CLCN1: variants seen among roughly 807,000 people sequenced by gnomAD.
CLCN1 encodes the protein chloride channel protein 1.
Under a neutral mutation model 114.5 loss-of-function variants are expected in CLCN1, and 100 were observed. The ratio of observed to expected loss-of-function variants is 0.87; its 90% CI spans 0.74 to 1.03. The LOEUF is 1.03. CLCN1 is among the 50% of genes least tolerant of loss of function. The probability of loss-of-function intolerance (pLI) is 0.00; values close to 1 mark genes in which losing one functional copy is unlikely to be tolerated. For synonymous variants in CLCN1, 485 were observed against 487.1 expected (o/e 1.00, Z 0.06); for missense variants, 1,188 against 1,250.0 (o/e 0.95, Z 0.75).
chr7:143,340,312 G>A (rs185157562), intron 14 of CLCN1, among the ~76,000 whole-genome samples: 6 of 152,186 alleles, frequency 3.9e-5, no homozygotes, highest in Admixed American at 3.3e-4. Flanking sequence ...CATCAATGAG[G>A]GTCATAGACT....
chr7:143,330,751 C>T, intron 7 of CLCN1, 21 bp from the exon 8 acceptor site: 1 of 1,613,826 alleles, frequency 6.2e-7, no homozygotes, highest in Non-Finnish European at 8.5e-7. Context: ...TGCCCCCAAC[C>T]ACACTTCTGT....
rs1802532331 is a variant in CLCN1 at position 143,324,619 on chromosome 7, C to T, written c.853+127C>T. ...CGAGAATAGCTGACTTTTAGTAAGC[C>T]TTTGCTATGTGCCAGGCAATGTTTA... On this transcript the variant is annotated intron_variant, in intron 7 of 22. Coordinates refer to ENST00000343257, the MANE Select transcript of CLCN1 (RefSeq NM_000083.3). The surrounding 1 kb of genome is among the most constrained non-coding windows in gnomAD (Gnocchi z 4.6). 1.3e-6 allele frequency: 1 copy of T among 754,854 alleles called. No individual in the cohort carries two copies. The highest frequency in any genetic ancestry group is 2.6e-5 in the East Asian group (1 of 38,152). 46.8% of individuals were successfully genotyped at this position (754,854 alleles called of 1,614,324 possible).
At chr7:143,332,995 G>A in intron 12 of CLCN1, 122 bp downstream of exon 12, 2 of 1,163,780 alleles carry the variant, frequency 1.7e-6, no homozygotes, top group Non-Finnish European at 2.6e-6. Context: ...CTAAAAATAA[G>A]TCATTTGAAA....
intron 16 of CLCN1, among the ~76,000 whole-genome samples, chr7:143,343,432 A>C (rs1343963389): frequency 6.6e-6 from 1 of 152,246 alleles, no homozygotes; most frequent in Non-Finnish European, 1.5e-5. Context: ...GCTTTGTTCA[A>C]CTTCAGCTGG....
intron 14 of CLCN1, among the ~76,000 whole-genome samples, chr7:143,340,343 C>G (rs1442333613): frequency 6.6e-6 from 1 of 152,170 alleles, no homozygotes; most frequent in Non-Finnish European, 1.5e-5. Flanking sequence ...ATCTTCATGA[C>G]TCCCTGGTAC....
intron 14 of CLCN1, among the ~76,000 whole-genome samples, chr7:143,340,248 T>C (rs1340097683): frequency 6.6e-6 from 1 of 152,224 alleles, no homozygotes; most frequent in Non-Finnish European, 1.5e-5. Context: ...ACCAGCTTTC[T>C]AGCTCACTTG....
intron 5 of CLCN1, 93 bp from the exon 6 acceptor site, chr7:143,323,216 A>T: frequency 1.3e-6 from 1 of 785,938 alleles, no homozygotes; most frequent in Non-Finnish European, 2.3e-6. Context: ...CCCCTGGCAC[A>T]GTGCCTGGAG....
At position 143,316,137 on chromosome 7, in the gene CLCN1, A is replaced by T; in HGVS notation, c.-76A>T. On this transcript the variant is annotated 5_prime_UTR_variant, in exon 1 of 23. Transcript: ENST00000343257. ...GACGCCTTGGGGACAGCAAGAGCAGAGGCTTAAGGAGCTACACTGGGGGAA... is the reference window on the plus strand; with the variant it reads ...GACGCCTTGGGGACAGCAAGAGCAGTGGCTTAAGGAGCTACACTGGGGGAA... 8.2e-7 allele frequency: 1 copy of T among 1,218,426 alleles called. No individual in the cohort carries two copies. Among genetic ancestry groups the T allele is most frequent in the Non-Finnish European group, 1.2e-6 (1 of 828,994 alleles). The allele number at this position is 1,218,426 out of a possible 1,614,324, so 75.5% of individuals were successfully genotyped here.
rs1802376686 is a variant in CLCN1 at position 143,319,778 on chromosome 7, A to G, written c.204A>G (p.Gln68=). ...AGATTTATGGCCATCACAAAGAACA[A>G]TTCTCAGACAGGGAGCAGGACATAG... ...PTQIYGHHKE[Q]FSDREQDIGM... is the part of the protein sequence containing the mutation. The change falls in exon 2 of 23, where the codon CAA becomes CAG. Residue 68 remains glutamine, a synonymous_variant. Transcript: ENST00000343257. 9 of 1,613,996 alleles carry G rather than the reference A, an allele frequency of 5.6e-6. No homozygotes were observed. Among genetic ancestry groups the G allele is most frequent in the Non-Finnish European group, 7.6e-6 (9 of 1,179,854 alleles).
intron 7 of CLCN1, 74 bp from the exon 8 acceptor site, chr7:143,330,698 G>C: frequency 6.2e-7 from 1 of 1,604,182 alleles, no homozygotes; most frequent in Non-Finnish European, 8.5e-7. Flanking sequence ...AGCTCCTTAG[G>C]TCCAAGCAGT....
chr7:143,319,835 C>T lies in CLCN1; in HGVS notation c.261C>T (p.Thr87=), dbSNP rs6962852. ...GMPKKTGSSS[T]VDSKDEDHYS... Reference sequence around the variant, plus strand: ...CCAAGAAGACAGGCTCCAGTTCTACCGTGGACAGCAAGGATGAGGATCACT... The same window carrying T: ...CCAAGAAGACAGGCTCCAGTTCTACTGTGGACAGCAAGGATGAGGATCACT... Residue 87 remains threonine, a synonymous_variant, in exon 2 of 23, where the codon ACC becomes ACT. Coordinates refer to ENST00000343257, the MANE Select transcript of CLCN1 (RefSeq NM_000083.3). 498,372 of 1,612,348 alleles carry T rather than the reference C, an allele frequency of 0.31. 83,032 individuals are homozygous for T. The highest frequency in any genetic ancestry group is 0.57 in the African/African-American group (42,868 of 74,874).
At chr7:143,342,554 G>A (rs1162887819) in intron 16 of CLCN1, 49 bp downstream of exon 16, 1 of 1,605,818 alleles carries the variant, frequency 6.2e-7, no homozygotes, top group Admixed American at 1.7e-5. Context: ...CCTGAATAAG[G>A]GTCACATAGA....
rs1027231996 is a variant in CLCN1 at position 143,324,775 on chromosome 7, GA to G, written c.853+285del. On this transcript the variant is annotated intron_variant, in intron 7 of 22. Coordinates refer to ENST00000343257, the MANE Select transcript of CLCN1 (RefSeq NM_000083.3). This position sits in a 1 kb window ranked among gnomAD's most constrained non-coding sequence, Gnocchi z 4.6. Reference sequence around the variant, plus strand: ...ATTCTGTTAGTAAGGTACAAGCCAGGAATTAAAACCAAGGCAGTCTCCGTGG... The same window carrying G: ...ATTCTGTTAGTAAGGTACAAGCCAGGATTAAAACCAAGGCAGTCTCCGTGG... Among the ~76,000 whole-genome samples, 13 of 152,288 alleles carry G rather than the reference GA, an allele frequency of 8.5e-5. No individual in the cohort carries two copies. In the South Asian group the frequency reaches 2.3e-3, roughly 27 times the overall value.
At position 143,332,442 on chromosome 7, in the gene CLCN1, T is replaced by G. The variant is rs368958317; in HGVS notation, c.1190T>G (p.Val397Gly). The change falls in exon 11 of 23, where the codon GTT becomes GGT. Residue 397 changes from valine (V) to glycine (G), a missense_variant. Val to Gly is a moderately radical substitution (Grantham distance 109). Transcript: ENST00000343257. ...AGCCGCCTGCTGTATCCTGGAATTG[T>G]TACCTTTGTCATTGCCTCATTCACC... ...AKHRLLYPGI[V>G]TFVIASFTFP... 6.2e-7 allele frequency: 1 copy of G among 1,614,052 alleles called. No homozygotes were observed. The highest frequency in any genetic ancestry group is 8.5e-7 in the Non-Finnish European group (1 of 1,179,988).
In CLCN1 at chr7:143,320,773, C is replaced by A. The variant is rs773806167; in HGVS notation, c.411C>A (p.Tyr137Ter). Residue 137 changes from tyrosine (Y) to a stop codon, truncating the protein, a stop_gained, in exon 3 of 23, where the codon TAC becomes TAA. Transcript: ENST00000343257. LOFTEE classifies it high-confidence loss of function. ...CTCTGGTCAGCTGGAGCATGGACTA[C>A]GTCAGTGCCAAAAGCCTTCAGGGTA... ...LMALVSWSMD[Y>*]VSAKSLQAYK... The A allele has an allele frequency of 6.2e-7, 1 of 1,613,718 alleles. No individual in the cohort carries two copies. Among genetic ancestry groups the A allele is most frequent in the Admixed American group, 1.7e-5 (1 of 60,002 alleles).
In CLCN1 at chr7:143,321,680, C is replaced by T; in HGVS notation, c.563-35C>T. On this transcript the variant is annotated intron_variant, in intron 4 of 22. Transcript: ENST00000343257. The surrounding 1 kb of genome is among the most constrained non-coding windows in gnomAD (Gnocchi z 4.2). ...ACATTCATCTCCCTTTTCACCTTCA[C>T]CTTGACCCTGCACATAATCTTTCAA... 6.2e-7 allele frequency: 1 copy of T among 1,614,108 alleles called. No individual in the cohort carries two copies. The highest frequency in any genetic ancestry group is 8.5e-7 in the Non-Finnish European group (1 of 1,179,938).
chr7:143,332,067 G>A (rs1247544809), intron 10 of CLCN1, among the ~76,000 whole-genome samples: 1 of 152,110 alleles, frequency 6.6e-6, no homozygotes, highest in African/African-American at 2.4e-5. Flanking sequence ...GACCTCAGGG[G>A]ATCTACCCTC....
chr7:143,335,683 G>A (rs112941854), intron 12 of CLCN1, among the ~76,000 whole-genome samples: 9,418 of 103,474 alleles, frequency 0.091, 446 homozygotes, highest in South Asian at 0.13. Context: ...TTTTTGATTC[G>A]GAATCTCACT....
chr7:143,320,556 TC>T, intron 2 of CLCN1, 107 bp from the exon 3 acceptor site: 6 of 491,044 alleles, frequency 1.2e-5, no homozygotes, highest in Middle Eastern at 6.5e-4. Flanking sequence ...GCTGCTTTTC[TC>T]TCTCTCTCTC....
Sources: gnomAD v4.1 joint callset for allele counts (sites outside exome capture counted in the v4.1 genomes callset) on GRCh38, gnomAD v4.1.1 for gene constraint, Gnocchi (gnomAD v3.1) non-coding constraint, MANE v1.5 for transcripts, NCBI Gene and HGNC (gene_info 2026-07-23, HGNC 2026-07-21) for gene names.